The following ACACB variants were observed in gnomAD, a reference collection of about 807,000 sequenced individuals.
ACACB encodes the protein acetyl-CoA carboxylase beta, also known as acetyl-CoA carboxylase 2.
Under a neutral mutation model 278.8 loss-of-function variants are expected in ACACB, and 209 were observed. The ratio of observed to expected loss-of-function variants is 0.75; its 90% CI spans 0.67 to 0.84. The LOEUF is 0.84. Ranked by LOEUF, ACACB falls within the 40% of genes least tolerant of loss-of-function variation. The probability of loss-of-function intolerance (pLI) is 0.00; values close to 1 mark genes in which losing one functional copy is unlikely to be tolerated. For missense variants in ACACB, 2,850 were observed against 3,269.0 expected (o/e 0.87, Z 3.13); for synonymous variants, 1,174 against 1,285.6 (o/e 0.91, Z 1.86).
At chr12:109,258,479 C>G (rs2047290101) in intron 46 of ACACB, 115 bp downstream of exon 46, 2 of 769,924 alleles carry the variant, frequency 2.6e-6, no homozygotes, top group Admixed American at 2.4e-5. Flanking sequence ...AGCAGGGGAC[C>G]CAGTGCAGTC....
At chr12:109,197,819 G>A (rs1412962680) in intron 17 of ACACB, among the ~76,000 whole-genome samples, 1 of 152,210 alleles carries the variant, frequency 6.6e-6, no homozygotes, top group Admixed American at 6.5e-5. Flanking sequence ...CAGTTAGAGA[G>A]TGGAGACTCT....
rs1453235249 is a variant in ACACB at position 109,216,615 on chromosome 12, C to T, written c.3351-3C>T. 1.2e-6 allele frequency: 2 copies of T among 1,613,952 alleles called. No individual in the cohort carries two copies. Among genetic ancestry groups the T allele is most frequent in the Non-Finnish European group, 1.7e-6 (2 of 1,179,948 alleles). ...ATTAAGAGCAGCCTTCCCTTCTCCC[C>T]AGATACCGCAGCGGGATCCGCGGCT... On this transcript the variant is annotated splice_polypyrimidine_tract_variant and splice_region_variant and intron_variant, in intron 22 of 52. Coordinates refer to ENST00000338432, the MANE Select transcript of ACACB (RefSeq NM_001093.4).
rs1196263356 is a variant in ACACB at position 109,210,419 on chromosome 12, A to G, written c.3249+1066A>G. 1.6e-5 allele frequency among the ~76,000 whole-genome samples: 2 copies of G among 128,286 alleles called. 1 individual carries two copies. Among genetic ancestry groups the G allele is most frequent in the African/African-American group, 7.1e-5 (2 of 28,228 alleles). The allele number at this position is 128,286 out of a possible 152,430, so 84.2% of individuals were successfully genotyped here. ...TGTATATACACGCACACACATGTGT[A>G]TATATGTATATACACGCACATACAT... On this transcript the variant is annotated intron_variant, in intron 21 of 52. Coordinates refer to ENST00000338432, the MANE Select transcript of ACACB (RefSeq NM_001093.4).
At chr12:109,196,372 T>C (rs1320378635) in intron 16 of ACACB, among the ~76,000 whole-genome samples, 7 of 152,190 alleles carry the variant, frequency 4.6e-5, no homozygotes, top group Non-Finnish European at 1.0e-4. Context: ...TTCTCTAGGC[T>C]GGGAAGGTCA....
rs772231098 is a variant in ACACB at position 109,212,915 on chromosome 12, G to A, written c.3329G>A (p.Ser1110Asn). 6.2e-7 allele frequency: 1 copy of A among 1,614,134 alleles called. No homozygotes were observed. Residue 1110 changes from serine (S) to asparagine (N), a missense_variant, in exon 22 of 53, where the codon AGC (serine) becomes AAC (asparagine). Around this residue, in one of 3 missense-constraint regions of ACACB, gnomAD observed 2,265 missense variants for 2,561.3 expected, o/e 0.88. Transcript: ENST00000338432. ...GAGGTCTTCTTCATCAACACCCAGA[G>A]CATCGTGCAGTTGGTCCAGAGGTGA... ...DREVFFINTQ[S>N]IVQLVQRYRS...
intron 30 of ACACB, 22 bp from the exon 31 acceptor site, chr12:109,233,916 A>G (rs760249106): frequency 2.2e-5 from 36 of 1,613,496 alleles, no homozygotes; most frequent in Non-Finnish European, 2.9e-5. Context: ...TTCCAGCCCT[A>G]CCCCTTGCTT....
In ACACB at chr12:109,233,981, A is replaced by G. The variant is rs1186616731; in HGVS notation, c.4283A>G (p.Gln1428Arg). 1.2e-6 allele frequency: 2 copies of G among 1,614,126 alleles called. No homozygotes were observed. The highest frequency in any genetic ancestry group is 8.5e-7 in the Non-Finnish European group (1 of 1,180,026). Residue 1428 changes from glutamine to arginine, a missense_variant, in exon 31 of 53, where the codon CAG becomes CGG. Gln to Arg is a conservative substitution (Grantham distance 43, BLOSUM62 1). Coordinates refer to ENST00000338432, the MANE Select transcript of ACACB (RefSeq NM_001093.4). ...EPIHILNVSI[Q>R]CADHLEDEAL... ...ATCCACATTCTGAATGTGTCCATCCAGTGTGCAGACCACCTGGAGGATGAG... is the reference window on the plus strand; with the variant it reads ...ATCCACATTCTGAATGTGTCCATCCGGTGTGCAGACCACCTGGAGGATGAG...
intron 2 of ACACB, among the ~76,000 whole-genome samples, chr12:109,153,500 C>T (rs774213849): frequency 5.9e-5 from 9 of 152,060 alleles, no homozygotes; most frequent in Non-Finnish European, 1.0e-4. Flanking sequence ...CTGGGAGAAC[C>T]GCAGAGTGAT....
At chr12:109,141,913 C>A (rs2043133231) in intron 2 of ACACB, among the ~76,000 whole-genome samples, 1 of 152,146 alleles carries the variant, frequency 6.6e-6, no homozygotes, top group Admixed American at 6.6e-5. Context: ...CCCTTCACCT[C>A]TCCAGGCCCC....
chr12:109,122,530 G>A (rs529464784), intron 1 of ACACB, among the ~76,000 whole-genome samples: 202 of 133,910 alleles, frequency 1.5e-3, no homozygotes, highest in African/African-American at 5.6e-3. Context: ...CTATGATTGT[G>A]CCACTGCACT....
At chr12:109,176,125 A>C (rs762016188) in intron 8 of ACACB, 28 bp from the exon 9 acceptor site, 19 of 1,612,576 alleles carry the variant, frequency 1.2e-5, no homozygotes, top group Non-Finnish European at 1.6e-5. Context: ...CTAACCTCTA[A>C]AGAGGTCTGT....
At chr12:109,168,180 TTTAA>T (rs2043985277) in intron 4 of ACACB, 146 bp downstream of exon 4, 1 of 937,392 alleles carries the variant, frequency 1.1e-6, no homozygotes, top group African/African-American at 1.7e-5. Flanking sequence ...TCCTTCTTTA[TTTAA>T]TTAAAATGTC....
chr12:109,204,228 T>A (rs2136351043), intron 19 of ACACB, among the ~76,000 whole-genome samples: 1 of 152,028 alleles, frequency 6.6e-6, no homozygotes, highest in East Asian at 1.9e-4. Context: ...CAGTCGATTT[T>A]AATTGACTGT....
intron 1 of ACACB, among the ~76,000 whole-genome samples, chr12:109,134,563 C>A (rs1303618125): frequency 6.6e-6 from 1 of 152,148 alleles, no homozygotes; most frequent in Admixed American, 6.5e-5. Context: ...GGACTCGGAC[C>A]TTTCTTGCAG....
intron 44 of ACACB, among the ~76,000 whole-genome samples, chr12:109,255,503 C>T (rs112592045): frequency 0.019 from 2,956 of 152,296 alleles, 47 homozygotes; most frequent in Middle Eastern, 0.044. Flanking sequence ...GGCCAGTCCT[C>T]GGCAGATGCT....
intron 1 of ACACB, among the ~76,000 whole-genome samples, chr12:109,133,427 C>T (rs889810127): frequency 6.6e-6 from 1 of 151,966 alleles, no homozygotes; most frequent in African/African-American, 2.4e-5. Context: ...GACGGGGTTT[C>T]GCCATGTTGC....
chr12:109,257,712 A>G (rs145121356), intron 45 of ACACB, among the ~76,000 whole-genome samples: 137 of 152,206 alleles, frequency 9.0e-4, no homozygotes, highest in African/African-American at 2.8e-3. Flanking sequence ...CTGGGACTAG[A>G]GGTGTGCGCC....
In ACACB at chr12:109,235,326, T is replaced by G; in HGVS notation, c.4361T>G (p.Val1454Gly). 1.2e-6 allele frequency: 2 copies of G among 1,614,160 alleles called. No individual in the cohort carries two copies. The highest frequency in any genetic ancestry group is 1.7e-6 in the Non-Finnish European group (2 of 1,179,966). The change falls in exon 32 of 53, where the codon GTG becomes GGG. Residue 1454 changes from valine (V) to glycine (G), a missense_variant. Around this residue, in one of 3 missense-constraint regions of ACACB, gnomAD observed 2,265 missense variants for 2,561.3 expected, o/e 0.88. Coordinates refer to ENST00000338432, the MANE Select transcript of ACACB (RefSeq NM_001093.4). ...TTTTTAATGCAGAAAAATATCCTTG[T>G]GGATTATGGACTCCGACGAATCACA... ...TFVQSKKNIL[V>G]DYGLRRITFL...
At chr12:109,255,478 G>A (rs184046327) in intron 44 of ACACB, among the ~76,000 whole-genome samples, 104 of 152,178 alleles carry the variant, frequency 6.8e-4, no homozygotes, top group Non-Finnish European at 8.1e-4. Context: ...AAAAATGTTC[G>A]GCTTCTCACT....
Sources: gnomAD v4.1 joint callset for allele counts (sites outside exome capture counted in the v4.1 genomes callset) on GRCh38, gnomAD v4.1.1 for gene constraint, gnomAD v4.1.1 regional missense constraint, MANE v1.5 for transcripts, NCBI Gene and HGNC (gene_info 2026-07-23, HGNC 2026-07-21) for gene names.